Variants in SEC16B observed in about 807,000 individuals in gnomAD.
The protein encoded by SEC16B is SEC16 homolog B, endoplasmic reticulum export factor, also known as protein transport protein Sec16B.
In SEC16B, 115 loss-of-function variants were observed where a neutral mutation model predicts 141.8. The observed-to-expected ratio is 0.81, with a 90% confidence interval of 0.70 to 0.95. The LOEUF (loss-of-function observed/expected upper bound fraction) is 0.95. Among genes scored for constraint, SEC16B ranks in the 40% least tolerant of loss-of-function variants. SEC16B has a pLI of 0.00. For synonymous variants in SEC16B, 493 were observed against 492.5 expected (o/e 1.00, Z -0.01); for missense variants, 1,291 against 1,312.3 (o/e 0.98, Z 0.25).
At chr1:177,948,332 GAA>G (rs1651896269) in intron 12 of SEC16B, 1 of 1,301,042 alleles carries the variant, frequency 7.7e-7, no homozygotes, top group African/African-American at 1.5e-5. Flanking sequence ...CTTATGAGTA[GAA>G]GAGGCCACAG....
At chr1:177,936,149 T>C (rs755940889) in intron 20 of SEC16B, 149 bp downstream of exon 20, 9 of 659,112 alleles carry the variant, frequency 1.4e-5, no homozygotes, top group Non-Finnish European at 2.4e-5. Context: ...TCCCAGGAGT[T>C]GGAATAGGAA....
At chr1:177,940,492 G>A in intron 17 of SEC16B, 118 bp downstream of exon 17, 1 of 676,890 alleles carries the variant, frequency 1.5e-6, no homozygotes. Context: ...GAGAGACCAG[G>A]GTGAGGCATG....
In SEC16B at chr1:177,965,125, C is replaced by T. The variant is rs772958301; in HGVS notation, c.455G>A (p.Arg152Gln). 7.4e-6 allele frequency: 12 copies of T among 1,613,402 alleles called. No individual in the cohort carries two copies. The highest frequency in any genetic ancestry group is 4.5e-5 in the East Asian group (2 of 44,878). The change falls in exon 4 of 26, where the codon CGA becomes CAA. Residue 152 changes from arginine (R) to glutamine (Q), a missense_variant. This residue lies in a region of SEC16B where 681 missense variants were observed against 675.5 expected (regional missense o/e 1.01). Transcript: ENST00000308284. ...ATGTTCATCAAGGTACTTTTGCTCT[C>T]GGTAATCTTCGTGCCAGATATAAGG... ...RSPYIWHEDY[R>Q]EQKYLDEHHY...
rs772289438 is a variant in SEC16B, at chr1:177,947,869, G to T, written c.1619C>A (p.Pro540Gln). 1.9e-6 allele frequency: 3 copies of T among 1,559,594 alleles called. No homozygotes were observed. Among genetic ancestry groups the T allele is most frequent in the East Asian group, 4.8e-5 (2 of 41,296 alleles). Residue 540 changes from proline (P) to glutamine (Q), a missense_variant, in exon 13 of 26, where the codon CCA (proline) becomes CAA (glutamine). Around this residue, in one of 3 missense-constraint regions of SEC16B, gnomAD observed 681 missense variants for 675.5 expected, o/e 1.01. Coordinates refer to ENST00000308284, the MANE Select transcript of SEC16B (RefSeq NM_033127.4). ...AACAATCGCACGCTGATACAGCTCT[G>T]GGTCCCCAGCCTGATTCGACAGAAT... is the stretch of plus-strand genomic sequence containing the variant. ...AVILSNQAGD[P>Q]ELYQRAIVAI...
chr1:177,932,524 G>A lies in SEC16B; in HGVS notation c.2978C>T (p.Ala993Val), dbSNP rs758778960. Residue 993 changes from alanine to valine, a missense_variant, in exon 24 of 26, where the codon GCG becomes GTG. Coordinates refer to ENST00000308284, the MANE Select transcript of SEC16B (RefSeq NM_033127.4). ...RGSASSGGAA[A>V]GAGVGGLSGP... is the part of the protein sequence containing the mutation. ...AGACAAGCCTCCAACCCCAGCGCCCGCAGCTGCTCCCCCGCTGGATGCGGA... is the reference window on the plus strand; with the variant it reads ...AGACAAGCCTCCAACCCCAGCGCCCACAGCTGCTCCCCCGCTGGATGCGGA... The A allele has an allele frequency of 4.9e-5, 77 of 1,557,464 alleles. No homozygotes were observed. The highest frequency in any genetic ancestry group is 3.3e-4 in the South Asian group (28 of 83,778).
chr1:177,954,209 C>A (rs976814866), intron 11 of SEC16B, 70 bp downstream of exon 11: 3 of 1,160,580 alleles, frequency 2.6e-6, no homozygotes, highest in Admixed American at 4.0e-5. Flanking sequence ...TTTCTCCACA[C>A]CCTCATCCTC....
chr1:177,958,198 G>C lies in SEC16B; in HGVS notation c.1299C>G (p.Pro433=), dbSNP rs745766221. The change falls in exon 10 of 26, where the codon CCC becomes CCG. Residue 433 remains proline (P), a synonymous_variant. Transcript: ENST00000308284. Reference sequence around the variant, plus strand: ...CGATCTGCGCAGGTGTCTCCACACTGGGGGGGATCTCTCCCGTGAGCAGGT... The same window carrying C: ...CGATCTGCGCAGGTGTCTCCACACTCGGGGGGATCTCTCCCGTGAGCAGGT... ...TPNLLTGEIP[P]SVETPAQIVE... 1.9e-6 allele frequency: 3 copies of C among 1,588,280 alleles called. No individual in the cohort carries two copies. The highest frequency in any genetic ancestry group is 2.6e-6 in the Non-Finnish European group (3 of 1,166,622).
chr1:177,976,090 T>C (rs1439636389), intron 1 of SEC16B, among the ~76,000 whole-genome samples: 1 of 152,216 alleles, frequency 6.6e-6, no homozygotes, highest in East Asian at 1.9e-4. Context: ...GCAGGCTTCC[T>C]ACAGGACCAA....
chr1:177,956,166 A>G (rs144013697), intron 10 of SEC16B, among the ~76,000 whole-genome samples: 1 of 152,202 alleles, frequency 6.6e-6, no homozygotes, highest in Non-Finnish European at 1.5e-5. Flanking sequence ...ATTATATGGT[A>G]ACTCAAATTT....
At chr1:177,933,711 C>G in intron 20 of SEC16B, 75 bp from the exon 21 acceptor site, 10 of 1,456,378 alleles carry the variant, frequency 6.9e-6, no homozygotes, top group Non-Finnish European at 8.6e-6. Flanking sequence ...TACTCCCTCA[C>G]CTGACCTGCT....
intron 2 of SEC16B, among the ~76,000 whole-genome samples, chr1:177,967,326 T>C (rs1039872186): frequency 2.6e-5 from 4 of 152,104 alleles, no homozygotes; most frequent in Non-Finnish European, 5.9e-5. Flanking sequence ...GAAAAGCTTT[T>C]CCATAGTCTA....
chr1:177,942,013 G>A lies in SEC16B; in HGVS notation c.1909C>T (p.Leu637=). The A allele has an allele frequency of 1.2e-6, 2 of 1,613,982 alleles. No homozygotes were observed. Among genetic ancestry groups the A allele is most frequent in the African/African-American group, 1.3e-5 (1 of 75,066 alleles). The stretch of plus-strand genomic sequence containing the variant: ...TGGGACACGAGGCCATAATCTGCCA[G>A]ACGGGAAGCATAAAGGAGCTTATAC... ...QVYKLLYASR[L]ADYGLVSQAL... Residue 637 remains leucine, a synonymous_variant, in exon 16 of 26, where the codon CTG becomes TTG. Transcript: ENST00000308284.
intron 3 of SEC16B, among the ~76,000 whole-genome samples, chr1:177,965,402 T>TGTGTGTGTGC (rs1553235632): frequency 6.6e-6 from 1 of 151,706 alleles, no homozygotes; most frequent in East Asian, 1.9e-4. Flanking sequence ...TGGGGATTGG[T>TGTGTGTGTGC]GTGTGTGTGT....
At chr1:177,931,495 G>A (rs888166254) in intron 24 of SEC16B, among the ~76,000 whole-genome samples, 1 of 152,276 alleles carries the variant, frequency 6.6e-6, no homozygotes, top group East Asian at 1.9e-4. Context: ...AACACTACTT[G>A]GCTGGTGGGT....
chr1:177,973,327 GA>G (rs1368476087), upstream of SEC16B: 3 of 151,986 alleles, frequency 2.0e-5, no homozygotes, highest in Admixed American at 1.3e-4. Context: ...TAAAAATTTA[GA>G]AAACAAGTTG....
At chr1:177,972,652 G>A (rs1654008009), upstream of SEC16B, among the ~76,000 whole-genome samples, 2 of 152,262 alleles carry the variant, frequency 1.3e-5, no homozygotes, top group East Asian at 1.9e-4. Flanking sequence ...TCCTTTCCCA[G>A]TCTCCATCCT....
At chr1:177,935,484 T>G (rs1261843543) in intron 20 of SEC16B, among the ~76,000 whole-genome samples, 1 of 152,192 alleles carries the variant, frequency 6.6e-6, no homozygotes, top group African/African-American at 2.4e-5. Flanking sequence ...TTTAAAAACA[T>G]GTATATGTGT....
At chr1:177,982,681 A>G (rs1654470442) in intron 1 of SEC16B, among the ~76,000 whole-genome samples, 2 of 152,114 alleles carry the variant, frequency 1.3e-5, no homozygotes, top group Admixed American at 6.5e-5. Context: ...AATGGTGGGT[A>G]TTTTCTGTTC....
chr1:177,949,977 G>A lies in SEC16B; in HGVS notation c.1545+1937C>T, dbSNP rs142107126. Among the ~76,000 whole-genome samples the A allele has an allele frequency of 9.9e-5, 15 of 151,208 alleles. No homozygotes were observed. The East Asian group carries it at 2.7e-3, about 27-fold the overall frequency. ...AAAAAAAAATGAACCATAGCTAATTGTATCATTTCCTGCATTTAGTACTTT... is the reference window on the plus strand; with the variant it reads ...AAAAAAAAATGAACCATAGCTAATTATATCATTTCCTGCATTTAGTACTTT... On this transcript the variant is annotated intron_variant, in intron 12 of 25. Transcript: ENST00000308284.
Sources: allele counts gnomAD v4.1 joint callset (sites outside exome capture counted in the v4.1 genomes callset), GRCh38; gene constraint gnomAD v4.1.1; regional missense constraint gnomAD v4.1.1; transcripts MANE v1.5; gene names NCBI Gene and HGNC (gene_info 2026-07-23, HGNC 2026-07-21).